Variants in SLC44A5 observed in about 807,000 individuals in gnomAD.
SLC44A5 encodes solute carrier family 44 member 5.
A neutral mutation model predicts 101.8 loss-of-function variants in SLC44A5; 57 were observed. The ratio of observed to expected loss-of-function variants is 0.56; its 90% confidence interval spans 0.45 to 0.70. The LOEUF (loss-of-function observed/expected upper bound fraction) is 0.70. SLC44A5 is among the 30% of genes least tolerant of loss of function. SLC44A5 has a pLI of 0.00. For missense variants in SLC44A5, 737 were observed against 853.1 expected (o/e 0.86, Z 1.70); for synonymous variants, 281 against 290.9 (o/e 0.97, Z 0.35).
intron 8 of SLC44A5, 40 bp downstream of exon 8, chr1:75,242,846 A>C: frequency 6.5e-7 from 1 of 1,533,252 alleles, no homozygotes. Context: ...TGAAAAAAAA[A>C]GTTAAATTGT....
intron 6 of SLC44A5, among the ~76,000 whole-genome samples, chr1:75,258,032 C>A (rs957123928): frequency 6.6e-6 from 1 of 152,088 alleles, no homozygotes; most frequent in Non-Finnish European, 1.5e-5. Flanking sequence ...GCTTTTCCCA[C>A]GGTCTTCGCA....
intron 2 of SLC44A5, among the ~76,000 whole-genome samples, chr1:75,455,622 C>T (rs1013925854): frequency 5.3e-5 from 8 of 152,124 alleles, no homozygotes; most frequent in African/African-American, 1.9e-4. Context: ...ACACATCCAA[C>T]AAAATTCTAA....
chr1:75,570,765 T>A (rs557311458), intron 1 of SLC44A5, among the ~76,000 whole-genome samples: 44 of 152,232 alleles, frequency 2.9e-4, no homozygotes, highest in African/African-American at 9.4e-4. Context: ...TAAGACTGCC[T>A]AAAACCAGGC....
At chr1:75,532,768 G>T (rs1670791995) in intron 2 of SLC44A5, among the ~76,000 whole-genome samples, 2 of 152,106 alleles carry the variant, frequency 1.3e-5, no homozygotes, top group African/African-American at 4.8e-5. Context: ...GGCTGGGTGT[G>T]GTGGCTCATG....
At chr1:75,394,483 AAG>A (rs142929094) in intron 3 of SLC44A5, among the ~76,000 whole-genome samples, 3 of 151,916 alleles carry the variant, frequency 2.0e-5, no homozygotes, top group Admixed American at 1.3e-4. Context: ...ACATGTAGGC[AAG>A]AGAGAGAGGG....
chr1:75,627,510 C>G, the SLC44A5 span, among the ~76,000 whole-genome samples: 1 of 151,930 alleles, frequency 6.6e-6, no homozygotes, highest in Non-Finnish European at 1.5e-5. Context: ...GAGACCTTGT[C>G]TGTACAAAAA....
the SLC44A5 span, among the ~76,000 whole-genome samples, chr1:75,706,635 AT>A: frequency 6.6e-6 from 1 of 151,640 alleles, no homozygotes; most frequent in African/African-American, 2.4e-5. Flanking sequence ...CCATCTCTTT[AT>A]TTTCAATGTT....
intron 4 of SLC44A5, among the ~76,000 whole-genome samples, chr1:75,314,954 T>C (rs1413454357): frequency 6.6e-6 from 1 of 152,164 alleles, no homozygotes; most frequent in African/African-American, 2.4e-5. Context: ...CAGTCTCTTA[T>C]CTGGGCTTGA....
At chr1:75,665,933 A>G in the SLC44A5 span, among the ~76,000 whole-genome samples, 1 of 152,182 alleles carries the variant, frequency 6.6e-6, no homozygotes, top group African/African-American at 2.4e-5. Context: ...ATCTCATACC[A>G]GTCAGAATGG....
the SLC44A5 span, among the ~76,000 whole-genome samples, chr1:75,708,312 G>A: frequency 6.7e-6 from 1 of 148,348 alleles, no homozygotes; most frequent in Admixed American, 6.9e-5. Flanking sequence ...TAATCAGGAG[G>A]CTGAGACAGG....
At chr1:75,449,172 T>C (rs913918660) in intron 2 of SLC44A5, among the ~76,000 whole-genome samples, 1 of 152,194 alleles carries the variant, frequency 6.6e-6, no homozygotes, top group African/African-American at 2.4e-5. Context: ...ATTTTGTCAG[T>C]GTTGGTAATG....
the SLC44A5 span, among the ~76,000 whole-genome samples, chr1:75,693,056 G>T: frequency 6.6e-6 from 1 of 152,184 alleles, no homozygotes; most frequent in South Asian, 2.1e-4. Flanking sequence ...ACATGAAGGG[G>T]TAAATAGAGT....
chr1:75,275,135 T>G, intron 5 of SLC44A5, 93 bp from the exon 6 acceptor site: 1 of 805,304 alleles, frequency 1.2e-6, no homozygotes, highest in Non-Finnish European at 2.1e-6. Context: ...TGCAACACAC[T>G]AACCTCTCCC....
the SLC44A5 span, among the ~76,000 whole-genome samples, chr1:75,674,127 A>G: frequency 6.6e-6 from 1 of 152,202 alleles, no homozygotes; most frequent in Non-Finnish European, 1.5e-5. Context: ...CAGAGAATTC[A>G]AAAGAGCTGT....
the SLC44A5 span, among the ~76,000 whole-genome samples, chr1:75,659,343 A>AG: frequency 6.8e-6 from 1 of 148,054 alleles, no homozygotes; most frequent in African/African-American, 2.5e-5. Flanking sequence ...AAGAAAAGAG[A>AG]GAAAAAAAGA....
chr1:75,487,937 G>A (rs904939452), intron 2 of SLC44A5, among the ~76,000 whole-genome samples: 2 of 152,124 alleles, frequency 1.3e-5, no homozygotes, highest in African/African-American at 4.8e-5. Flanking sequence ...ATTACCACCT[G>A]AGCTCTGCCT....
At chr1:75,311,268 C>T (rs912476726) in intron 4 of SLC44A5, among the ~76,000 whole-genome samples, 2 of 152,102 alleles carry the variant, frequency 1.3e-5, no homozygotes, top group African/African-American at 4.8e-5. Context: ...AGGCACTCAC[C>T]ACCACACCTG....
the SLC44A5 span, among the ~76,000 whole-genome samples, chr1:75,622,154 G>T: frequency 6.6e-6 from 1 of 152,070 alleles, no homozygotes; most frequent in African/African-American, 2.4e-5. Flanking sequence ...ATTTATGTGT[G>T]TTTGAATTGG....
the SLC44A5 span, among the ~76,000 whole-genome samples, chr1:75,703,663 A>G: frequency 4.0e-5 from 1 of 25,166 alleles, no homozygotes; most frequent in Admixed American, 3.0e-4. Flanking sequence ...AAGTATAATA[A>G]AAAAAAAAAA....
Sources: allele counts gnomAD v4.1 joint callset (sites outside exome capture counted in the v4.1 genomes callset), GRCh38; gene constraint gnomAD v4.1.1; transcripts MANE v1.5; gene names NCBI Gene and HGNC (gene_info 2026-07-23, HGNC 2026-07-21).